CEACAM16: variants seen among roughly 807,000 people sequenced by gnomAD.
CEACAM16 encodes the protein CEA cell adhesion molecule 16, tectorial membrane component.
Under a neutral mutation model 39.4 loss-of-function variants are expected in CEACAM16, and 30 were observed. That is an observed-to-expected ratio of 0.76 (90% CI 0.57 to 1.03). The LOEUF (loss-of-function observed/expected upper bound fraction) is 1.03. Ranked by LOEUF, CEACAM16 falls within the 50% of genes least tolerant of loss-of-function variation. The pLI is 0.00. For missense variants in CEACAM16, 521 were observed against 585.3 expected (o/e 0.89, Z 1.13); for synonymous variants, 262 against 264.9 (o/e 0.99, Z 0.11).
chr19:44,702,541 G>A (rs901148450), intron 2 of CEACAM16, among the ~76,000 whole-genome samples: 4 of 152,256 alleles, frequency 2.6e-5, no homozygotes, highest in Non-Finnish European at 5.9e-5. Flanking sequence ...CGCCCGTTCC[G>A]GGCATTCAAA....
At chr19:44,704,400 G>C in intron 4 of CEACAM16, 104 bp downstream of exon 4, 1 of 1,367,714 alleles carries the variant, frequency 7.3e-7, no homozygotes, top group Non-Finnish European at 9.6e-7. Flanking sequence ...GAGTCAGCAG[G>C]CAAGCTGGGA....
intron 6 of CEACAM16, among the ~76,000 whole-genome samples, chr19:44,708,978 C>A (rs1221913837): frequency 6.6e-6 from 1 of 151,630 alleles, no homozygotes; most frequent in Non-Finnish European, 1.5e-5. Context: ...GGAACCGTGT[C>A]TCCCCATCAA....
chr19:44,708,081 G>T lies in CEACAM16; in HGVS notation c.1161G>T (p.Ser387=). Residue 387 remains serine, a synonymous_variant, in exon 6 of 7, where the codon TCG becomes TCT. Coordinates refer to ENST00000587331, the MANE Select transcript of CEACAM16 (RefSeq NM_001039213.4). ...TGREVGFPNC[S]LLVQKLNLTD... ...GGGAGGTGGGCTTCCCCAACTGCTC[G>T]CTGTTGGTGCAGAAGCTGAACCTCA... is the stretch of plus-strand genomic sequence containing the variant. 6.2e-7 allele frequency: 1 copy of T among 1,612,272 alleles called. No individual in the cohort carries two copies. The highest frequency in any genetic ancestry group is 8.5e-7 in the Non-Finnish European group (1 of 1,179,378).
chr19:44,707,985 C>A lies in CEACAM16; in HGVS notation c.1065C>A (p.Ala355=). Residue 355 remains alanine (A), a synonymous_variant, in exon 6 of 7, where the codon GCC becomes GCA. Coordinates refer to ENST00000587331, the MANE Select transcript of CEACAM16 (RefSeq NM_001039213.4). ...LLVYAWYRGP[A]SEPNRLLSQL... ...TCTACGCCTGGTACCGCGGGCCTGC[C>A]TCCGAGCCCAACCGGCTGCTCAGCC... 1 of 1,606,920 alleles carries A rather than the reference C, an allele frequency of 6.2e-7. No individual in the cohort carries two copies. Among genetic ancestry groups the A allele is most frequent in the Non-Finnish European group, 8.5e-7 (1 of 1,177,202 alleles).
At chr19:44,708,852 C>T (rs1250447004) in intron 6 of CEACAM16, among the ~76,000 whole-genome samples, 1 of 152,244 alleles carries the variant, frequency 6.6e-6, no homozygotes, top group Non-Finnish European at 1.5e-5. Flanking sequence ...GACCATGTCT[C>T]CCCATCAGAC....
Position 44,710,551 on chromosome 19 carries a change from A to G in CEACAM16, c.*45A>G, listed in dbSNP as rs755657554. On this transcript the variant is annotated 3_prime_UTR_variant, in exon 7 of 7. Coordinates refer to ENST00000587331, the MANE Select transcript of CEACAM16 (RefSeq NM_001039213.4). ...TCCAGAGAGAAGAGCTCTTCGCACC[A>G]TCCTCTGGTCCTCGCCCTCTGAGTG... is the stretch of plus-strand genomic sequence containing the variant. The G allele has an allele frequency of 2.5e-6, 4 of 1,612,826 alleles. No individual in the cohort carries two copies. The highest frequency in any genetic ancestry group is 1.7e-5 in the Admixed American group (1 of 59,986).
rs549971184 is a variant in CEACAM16, at chr19:44,706,572, C to T, written c.940+704C>T. 1.1e-4 allele frequency among the ~76,000 whole-genome samples: 16 copies of T among 152,314 alleles called. 1 individual carries two copies. In the South Asian group the frequency reaches 3.3e-3, roughly 32 times the overall value. On this transcript the variant is annotated intron_variant, in intron 5 of 6. Coordinates refer to ENST00000587331, the MANE Select transcript of CEACAM16 (RefSeq NM_001039213.4). Reference sequence around the variant, plus strand: ...ACAGTGGGGAATGGTCGTTCCCTCCCTCCCACTAACAGGCTGGGTCTCATC... The same window carrying T: ...ACAGTGGGGAATGGTCGTTCCCTCCTTCCCACTAACAGGCTGGGTCTCATC...
At chr19:44,706,313 A>ACACACACAC (rs1568528647) in intron 5 of CEACAM16, among the ~76,000 whole-genome samples, 15 of 113,232 alleles carry the variant, frequency 1.3e-4, no homozygotes, top group African/African-American at 4.0e-4. Context: ...CACACACACA[A>ACACACACAC]CTGAAGAATC....
chr19:44,701,250 G>C lies in CEACAM16; in HGVS notation c.-96-111G>C, dbSNP rs543787108. On this transcript the variant is annotated intron_variant, in intron 1 of 6. Transcript: ENST00000587331. This position sits in a 1 kb window ranked among gnomAD's most constrained non-coding sequence, Gnocchi z 4.0. ...CCTGCCCAGGTCACGGCCTCTGGCC[G>C]GTGCCCGCCACACCCACCCTGGTAC... 1 of 650,224 alleles carries C rather than the reference G, an allele frequency of 1.5e-6. No homozygotes were observed. The highest frequency in any genetic ancestry group is 1.8e-5 in the African/African-American group (1 of 55,914). The allele number at this position is 650,224 out of a possible 1,614,324, so 40.3% of individuals were successfully genotyped here. A position where few individuals can be genotyped will look rare whatever the true frequency, so the allele number is the denominator to read the frequency against.
rs1974347757 is a variant in CEACAM16, at chr19:44,701,556, C to A, written c.37+63C>A. The A allele has an allele frequency of 5.4e-5, 79 of 1,472,252 alleles. No individual in the cohort carries two copies. The highest frequency in any genetic ancestry group is 7.1e-5 in the Non-Finnish European group (77 of 1,079,094). The allele number at this position is 1,472,252 out of a possible 1,614,324, so 91.2% of individuals were successfully genotyped here. On this transcript the variant is annotated intron_variant, in intron 2 of 6. Coordinates refer to ENST00000587331, the MANE Select transcript of CEACAM16 (RefSeq NM_001039213.4). This position sits in a 1 kb window ranked among gnomAD's most constrained non-coding sequence, Gnocchi z 4.0. The stretch of plus-strand genomic sequence containing the variant: ...CGAGGACCCCAGGGAGGGGAGGGGA[C>A]CCCCAGTCTGAGAGAGGGAAGGTGT...
intron 4 of CEACAM16, among the ~76,000 whole-genome samples, chr19:44,704,756 A>C (rs2860314): frequency 0.23 from 28,449 of 124,762 alleles, 2,892 homozygotes; most frequent in African/African-American, 0.3. Context: ...AACAAACAAA[A>C]AAAAACAACA....
Position 44,710,568 on chromosome 19 carries a change from C to T in CEACAM16, c.*62C>T, listed in dbSNP as rs946388747. 1.0e-5 allele frequency: 16 copies of T among 1,607,844 alleles called. No individual in the cohort carries two copies. Among genetic ancestry groups the T allele is most frequent in the Non-Finnish European group, 1.4e-5 (16 of 1,174,514 alleles). Reference sequence around the variant, plus strand: ...TTCGCACCATCCTCTGGTCCTCGCCCTCTGAGTGGGAACCACTCCCCCACA... The same window carrying T: ...TTCGCACCATCCTCTGGTCCTCGCCTTCTGAGTGGGAACCACTCCCCCACA... On this transcript the variant is annotated 3_prime_UTR_variant, in exon 7 of 7. Coordinates refer to ENST00000587331, the MANE Select transcript of CEACAM16 (RefSeq NM_001039213.4).
At chr19:44,703,115 A>G in intron 2 of CEACAM16, among the ~76,000 whole-genome samples, 1 of 152,230 alleles carries the variant, frequency 6.6e-6, no homozygotes, top group Non-Finnish European at 1.5e-5. Context: ...TTGGAAGAAC[A>G]GAAACACAGA....
chr19:44,701,794 A>G lies in CEACAM16; in HGVS notation c.37+301A>G, dbSNP rs1458778792. 2.0e-5 allele frequency among the ~76,000 whole-genome samples: 3 copies of G among 152,138 alleles called. No homozygotes were observed. Among genetic ancestry groups the G allele is most frequent in the African/African-American group, 7.2e-5 (3 of 41,432 alleles). On this transcript the variant is annotated intron_variant, in intron 2 of 6. Transcript: ENST00000587331. The surrounding 1 kb of genome is among the most constrained non-coding windows in gnomAD (Gnocchi z 4.0). ...CCTGCAGGTTTCTGTTTTATCAGCT[A>G]TGGAAGCCTTGATGAGGCTAAACTC...
chr19:44,710,577 GGAACCA>G lies in CEACAM16; in HGVS notation c.*72_*77del. 1 of 1,595,672 alleles carries G rather than the reference GGAACCA, an allele frequency of 6.3e-7. No homozygotes were observed. The highest frequency in any genetic ancestry group is 8.6e-7 in the Non-Finnish European group (1 of 1,163,608). On this transcript the variant is annotated 3_prime_UTR_variant, in exon 7 of 7. Coordinates refer to ENST00000587331, the MANE Select transcript of CEACAM16 (RefSeq NM_001039213.4). ...TCCTCTGGTCCTCGCCCTCTGAGTG[GGAACCA>G]CTCCCCCACAGCGAGGATGCCAGGC...
rs1216365726 is a variant in CEACAM16 at position 44,703,702 on chromosome 19, C to A, written c.382+9C>A. 2 of 1,479,916 alleles carry A rather than the reference C, an allele frequency of 1.4e-6. No individual in the cohort carries two copies. Among genetic ancestry groups the A allele is most frequent in the Admixed American group, 2.3e-5 (1 of 44,046 alleles). 91.7% of individuals were successfully genotyped at this position (1,479,916 alleles called of 1,614,324 possible). A position where few individuals can be genotyped will look rare whatever the true frequency, so the allele number is the denominator to read the frequency against. The stretch of plus-strand genomic sequence containing the variant: ...ACACGTGCAGGTCCATGGTGAGACA[C>A]CCCCCAACACCCGCCTCTGCCCCAG... On this transcript the variant is annotated intron_variant, in intron 3 of 6. Coordinates refer to ENST00000587331, the MANE Select transcript of CEACAM16 (RefSeq NM_001039213.4).
In CEACAM16 at chr19:44,706,189, G is replaced by A. The variant is rs554741952; in HGVS notation, c.940+321G>A. On this transcript the variant is annotated intron_variant, in intron 5 of 6. Transcript: ENST00000587331. ...TGTTTAGGGCCTTGACCCTCTACCC[G>A]CCCCCACCCCACCACACAGACAGCT... Among the ~76,000 whole-genome samples, 9 of 134,798 alleles carry A rather than the reference G, an allele frequency of 6.7e-5. No homozygotes were observed. In the South Asian group the frequency reaches 1.9e-3, roughly 29 times the overall value. The allele number at this position is 134,798 out of a possible 152,430, so 88.4% of individuals were successfully genotyped here. A position where few individuals can be genotyped will look rare whatever the true frequency, so the allele number is the denominator to read the frequency against.
Position 44,707,937 on chromosome 19 carries a change from G to T in CEACAM16, c.1017G>T (p.Gln339His), listed in dbSNP as rs1156773677. ...GCCAGGACGTAACACTGACCGTGCA[G>T]GGCTACCCCAAGGACCTGCTGGTCT... ...TEGQDVTLTV[Q>H]GYPKDLLVYA... The change falls in exon 6 of 7, where the codon CAG becomes CAT. Residue 339 changes from glutamine (Q) to histidine (H), a missense_variant. By Grantham distance (24) the Gln-to-His change is conservative (BLOSUM62 0). Transcript: ENST00000587331. 6.3e-7 allele frequency: 1 copy of T among 1,599,654 alleles called. No individual in the cohort carries two copies. Among genetic ancestry groups the T allele is most frequent in the African/African-American group, 1.3e-5 (1 of 74,692 alleles).
rs1225308839 is a variant in CEACAM16 at position 44,703,657 on chromosome 19, C to T, written c.346C>T (p.Gln116Ter). The T allele has an allele frequency of 6.3e-7, 1 of 1,584,706 alleles. No homozygotes were observed. Among genetic ancestry groups the T allele is most frequent in the Admixed American group, 1.7e-5 (1 of 57,922 alleles). ...YILQTFNRQL[Q>*]TEVGYGHVQV... is the part of the protein sequence containing the mutation. ...CCTGCAGACCTTCAACAGGCAGTTG[C>T]AGACCGAGGTGGGCTACGGACACGT... The change falls in exon 3 of 7, where the codon CAG becomes TAG. Residue 116 changes from glutamine (Q) to a stop codon, truncating the protein, a stop_gained. Transcript: ENST00000587331. LOFTEE classifies it high-confidence loss of function.
Sources: allele counts gnomAD v4.1 joint callset (sites outside exome capture counted in the v4.1 genomes callset), GRCh38; gene constraint gnomAD v4.1.1; non-coding constraint Gnocchi (gnomAD v3.1); transcripts MANE v1.5; gene names NCBI Gene and HGNC (gene_info 2026-07-23, HGNC 2026-07-21).